Variants in HRH2 observed in about 807,000 individuals in gnomAD.
The protein encoded by HRH2 is histamine receptor H2, also known as histamine H2 receptor.
In HRH2, 4 loss-of-function variants were observed where a neutral mutation model predicts 20.1. The ratio of observed to expected loss-of-function variants is 0.20; its 90% confidence interval spans 0.10 to 0.45. HRH2 has a LOEUF of 0.45. HRH2 is among the 20% of genes least tolerant of loss of function. The pLI, the probability that HRH2 is intolerant of heterozygous loss-of-function variation, is 0.99. For synonymous variants in HRH2, 197 were observed against 200.7 expected (o/e 0.98, Z 0.16); for missense variants, 250 against 461.6 (o/e 0.54, Z 4.20).
rs1757033285 is a variant in HRH2 at position 175,709,505 on chromosome 5, CA to C, written c.*1535del. The C allele has an allele frequency of 8.0e-6, 1 of 125,772 alleles. No individual in the cohort carries two copies. The highest frequency in any genetic ancestry group is 5.4e-5 in the African/African-American group (1 of 18,510). The allele number at this position is 125,772 out of a possible 1,614,324, so 7.8% of individuals were successfully genotyped here. A position where few individuals can be genotyped will look rare whatever the true frequency, so the allele number is the denominator to read the frequency against. ...GAGGCGCTCTCCCTCAGCGTGTCTG[CA>C]GCTGCGTGCCTGCAGCTGCGTGCCT... On this transcript the variant is annotated 3_prime_UTR_variant, in exon 3 of 3. Transcript: ENST00000636584.
chr5:175,685,505 C>T (rs1171072686), intron 2 of HRH2: 8 of 1,536,162 alleles, frequency 5.2e-6, no homozygotes, highest in African/African-American at 2.7e-5. Context: ...ATCCAATTCC[C>T]ACCACATGCC....
intron 1 of HRH2, among the ~76,000 whole-genome samples, chr5:175,674,655 G>A (rs559003535): frequency 6.6e-6 from 1 of 152,322 alleles, no homozygotes; most frequent in Non-Finnish European, 1.5e-5. Context: ...CCTGTGCAGA[G>A]GGGTCCCGCT....
At chr5:175,662,105 G>C (rs1694174918) in intron 1 of HRH2, among the ~76,000 whole-genome samples, 1 of 152,138 alleles carries the variant, frequency 6.6e-6, no homozygotes, top group Non-Finnish European at 1.5e-5. Context: ...TGGTGTGTAA[G>C]CAGGGTCCTC....
At chr5:175,688,564 C>T (rs1287714301) in intron 2 of HRH2, among the ~76,000 whole-genome samples, 2 of 152,146 alleles carry the variant, frequency 1.3e-5, no homozygotes, top group Non-Finnish European at 2.9e-5. Flanking sequence ...GCGTGGCCCC[C>T]GCCAGCAGGG....
intron 1 of HRH2, among the ~76,000 whole-genome samples, chr5:175,668,158 G>A (rs1277955858): frequency 1.3e-5 from 2 of 152,192 alleles, no homozygotes; most frequent in Admixed American, 1.3e-4. Context: ...ACCAGGGCAG[G>A]GCACAGGCAC....
intron 2 of HRH2, among the ~76,000 whole-genome samples, chr5:175,695,836 T>A (rs917125677): frequency 2.0e-5 from 3 of 152,194 alleles, no homozygotes; most frequent in African/African-American, 7.2e-5. Flanking sequence ...TCGAAGGGGC[T>A]GAGGAGGAAC....
intron 2 of HRH2, among the ~76,000 whole-genome samples, chr5:175,696,076 G>T (rs1440130310): frequency 1.3e-5 from 2 of 152,262 alleles, no homozygotes; most frequent in Non-Finnish European, 2.9e-5. Context: ...ATGACACTTT[G>T]CCTGCCTCAC....
chr5:175,679,071 G>A (rs1755863824), intron 1 of HRH2, among the ~76,000 whole-genome samples: 1 of 152,104 alleles, frequency 6.6e-6, no homozygotes, highest in Non-Finnish European at 1.5e-5. Flanking sequence ...GCAGACCTGG[G>A]GCTGTCTGCC....
intron 2 of HRH2, chr5:175,704,114 C>T (rs1415336815): frequency 6.6e-6 from 1 of 152,064 alleles, no homozygotes; most frequent in Non-Finnish European, 1.5e-5. Context: ...TAAACTCTCT[C>T]AGAGGAGAGA....
At chr5:175,697,526 T>C (rs184378210) in intron 2 of HRH2, among the ~76,000 whole-genome samples, 25 of 149,522 alleles carry the variant, frequency 1.7e-4, no homozygotes, top group Non-Finnish European at 3.3e-4. Context: ...TGCAGCCTCA[T>C]CTCTCCCAGC....
chr5:175,699,419 C>T (rs1358265901), intron 2 of HRH2, among the ~76,000 whole-genome samples: 1 of 152,224 alleles, frequency 6.6e-6, no homozygotes, highest in African/African-American at 2.4e-5. Context: ...TCCCCAACCT[C>T]CTCCGCTTCC....
chr5:175,661,882 C>T (rs1274573750), intron 1 of HRH2, among the ~76,000 whole-genome samples: 3 of 152,070 alleles, frequency 2.0e-5, no homozygotes, highest in Non-Finnish European at 4.4e-5. Flanking sequence ...ATTAGCCAGG[C>T]GTGATGGCAG....
intron 2 of HRH2, among the ~76,000 whole-genome samples, chr5:175,684,808 G>T (rs74844888): frequency 5.3e-5 from 8 of 151,696 alleles, no homozygotes; most frequent in Non-Finnish European, 1.0e-4. Flanking sequence ...CTCTTACCGT[G>T]GGGGGGGTGT....
intron 1 of HRH2, among the ~76,000 whole-genome samples, chr5:175,680,996 T>TC (rs1411399446): frequency 6.6e-6 from 1 of 152,042 alleles, no homozygotes; most frequent in Non-Finnish European, 1.5e-5. Context: ...GAGAGGCTGG[T>TC]CCACTCAGAT....
chr5:175,683,116 G>T lies in HRH2; in HGVS notation c.-118G>T. 1.0e-6 allele frequency: 1 copy of T among 983,476 alleles called. No homozygotes were observed. The highest frequency in any genetic ancestry group is 2.5e-5 in the African/African-American group (1 of 40,318). The allele number at this position is 983,476 out of a possible 1,614,324, so 60.9% of individuals were successfully genotyped here. A position where few individuals can be genotyped will look rare whatever the true frequency, so the allele number is the denominator to read the frequency against. On this transcript the variant is annotated 5_prime_UTR_variant, in exon 2 of 3. Transcript: ENST00000636584. Reference sequence around the variant, plus strand: ...CAAAAAAAAAAAAAAAAAAAAACTGGACACATTTTGGATCTGTTGGGAGCT... The same window carrying T: ...CAAAAAAAAAAAAAAAAAAAAACTGTACACATTTTGGATCTGTTGGGAGCT...
chr5:175,677,104 C>T lies in HRH2; in HGVS notation c.-525-5605C>T. 6.6e-6 allele frequency among the ~76,000 whole-genome samples: 1 copy of T among 152,136 alleles called. No individual in the cohort carries two copies. Among genetic ancestry groups the T allele is most frequent in the Non-Finnish European group, 1.5e-5 (1 of 68,026 alleles). On this transcript the variant is annotated intron_variant, in intron 1 of 2. Transcript: ENST00000636584. The surrounding 1 kb of genome is among the most constrained non-coding windows in gnomAD (Gnocchi z 4.2). ...TGAACCCCTGGGCTCAAGCGATCTT[C>T]CCACCTCGGCCTCCCGAGTAGCCTG...
At chr5:175,702,950 T>C (rs1756836658) in intron 2 of HRH2, among the ~76,000 whole-genome samples, 1 of 152,156 alleles carries the variant, frequency 6.6e-6, no homozygotes, top group South Asian at 2.1e-4. Context: ...TTTAAATTTG[T>C]ATGTACCAAA....
At chr5:175,685,692 C>T in intron 2 of HRH2, 2 of 602,266 alleles carry the variant, frequency 3.3e-6, no homozygotes, top group Non-Finnish European at 6.0e-6. Flanking sequence ...GAGAGTTGGT[C>T]TTCCCTCACC....
chr5:175,701,024 G>C (rs1454972221), intron 2 of HRH2, among the ~76,000 whole-genome samples: 1 of 152,226 alleles, frequency 6.6e-6, no homozygotes. Flanking sequence ...CATACAGATG[G>C]TGGTTCTGTC....
Sources: allele counts gnomAD v4.1 joint callset (sites outside exome capture counted in the v4.1 genomes callset), GRCh38; gene constraint gnomAD v4.1.1; non-coding constraint Gnocchi (gnomAD v3.1); transcripts MANE v1.5; gene names NCBI Gene and HGNC (gene_info 2026-07-23, HGNC 2026-07-21).